Variants in PREX2 observed in about 807,000 individuals in gnomAD.
PREX2 encodes the protein phosphatidylinositol-3,4,5-trisphosphate dependent Rac exchange factor 2.
A neutral mutation model predicts 203.2 loss-of-function variants in PREX2; 107 were observed. That is an observed-to-expected ratio of 0.53 (90% CI 0.45 to 0.62). PREX2 has a LOEUF of 0.62. PREX2 is among the 20% of genes least tolerant of loss of function. The pLI, the probability that PREX2 is intolerant of heterozygous loss-of-function variation, is 0.00. For synonymous variants in PREX2, 672 were observed against 663.6 expected, an observed-to-expected ratio of 1.01 and a Z score of -0.19; for missense variants, 1,777 against 1,955.9, an observed-to-expected ratio of 0.91 and a Z score of 1.72.
intron 21 of PREX2, among the ~76,000 whole-genome samples, chr8:68,093,941 T>G (rs965821409): frequency 2.0e-5 from 3 of 152,218 alleles, no homozygotes; most frequent in African/African-American, 4.8e-5. Flanking sequence ...CTATCTCACT[T>G]AGTCATCAAA....
chr8:68,187,529 T>G (rs1024382328), intron 35 of PREX2, among the ~76,000 whole-genome samples: 2 of 152,166 alleles, frequency 1.3e-5, no homozygotes, highest in African/African-American at 4.8e-5. Context: ...TAATTTAATC[T>G]TCAACATCAT....
rs1443724777 is a variant in PREX2, at chr8:68,038,164, C to G, written c.711C>G (p.Ser237=). 8 of 1,613,268 alleles carry G rather than the reference C, an allele frequency of 5.0e-6. No homozygotes were observed. Among genetic ancestry groups the G allele is most frequent in the Non-Finnish European group, 6.8e-6 (8 of 1,179,430 alleles). ...WQSHIEGWEG[S]NITDTCTEML... ...TTGCATTTCTCCTGACTTAGGGGTC[C>G]AACATCACTGACACCTGCACTGAAA... The change falls in exon 7 of 40, where the codon TCC becomes TCG. Residue 237 remains serine (S), a synonymous_variant. Coordinates refer to ENST00000288368, the MANE Select transcript of PREX2 (RefSeq NM_024870.4).
At chr8:68,101,465 A>G (rs552661979) in intron 23 of PREX2, 2 of 518,862 alleles carry the variant, frequency 3.9e-6, no homozygotes, top group East Asian at 5.5e-5. Context: ...TCTGCTTTTC[A>G]TGACTGCTGA....
intron 35 of PREX2, among the ~76,000 whole-genome samples, chr8:68,178,699 T>C (rs1812029373): frequency 6.6e-6 from 1 of 152,148 alleles, no homozygotes. Flanking sequence ...ATATATCTAA[T>C]CCAGGTTGGA....
At chr8:68,203,349 G>A (rs1337718019) in intron 37 of PREX2, among the ~76,000 whole-genome samples, 1 of 152,094 alleles carries the variant, frequency 6.6e-6, no homozygotes, top group East Asian at 1.9e-4. Flanking sequence ...ATCTTTGAGG[G>A]GATTGTGGAG....
chr8:67,984,953 C>G (rs1806374001), intron 1 of PREX2, among the ~76,000 whole-genome samples: 1 of 151,588 alleles, frequency 6.6e-6, no homozygotes. Flanking sequence ...GCACCCAGCC[C>G]AGTCGCACGG....
chr8:68,078,685 T>C (rs949544915), intron 15 of PREX2, among the ~76,000 whole-genome samples: 1 of 152,190 alleles, frequency 6.6e-6, no homozygotes, highest in Non-Finnish European at 1.5e-5. Context: ...TGGAGAAATA[T>C]TGGTCCTTGA....
At chr8:68,105,355 C>T (rs753469748) in intron 23 of PREX2, 34 of 1,365,854 alleles carry the variant, frequency 2.5e-5, no homozygotes, top group African/African-American at 4.4e-5. Flanking sequence ...GAGAGGGCCC[C>T]TGTCTGATTC....
chr8:68,123,895 C>T (rs976335480), intron 30 of PREX2, among the ~76,000 whole-genome samples: 49 of 151,956 alleles, frequency 3.2e-4, no homozygotes, highest in Non-Finnish European at 5.9e-4. Flanking sequence ...GGAGGAGGGA[C>T]TCCTCCCTAA....
intron 37 of PREX2, among the ~76,000 whole-genome samples, chr8:68,194,973 GT>G (rs1377498560): frequency 1.3e-5 from 2 of 152,122 alleles, no homozygotes; most frequent in Middle Eastern, 3.2e-3. Context: ...TTGAGTATTT[GT>G]GCTCTTCTCT....
At chr8:68,113,985 C>G (rs1476386166) in intron 25 of PREX2, among the ~76,000 whole-genome samples, 1 of 152,102 alleles carries the variant, frequency 6.6e-6, no homozygotes, top group Admixed American at 6.5e-5. Context: ...CCTCAGTCTC[C>G]TGAGTAGCTG....
chr8:68,026,816 C>T (rs1585716894), intron 4 of PREX2, among the ~76,000 whole-genome samples: 1 of 152,104 alleles, frequency 6.6e-6, no homozygotes, highest in East Asian at 1.9e-4. Flanking sequence ...AGTTAGAACC[C>T]AACTGTCTTG....
At chr8:67,976,242 G>A (rs771233596) in intron 1 of PREX2, among the ~76,000 whole-genome samples, 3 of 152,076 alleles carry the variant, frequency 2.0e-5, no homozygotes, top group East Asian at 3.9e-4. Context: ...TTTATCCCTG[G>A]ATCTCTTGGA....
At chr8:68,171,832 G>A (rs189882423) in intron 35 of PREX2, among the ~76,000 whole-genome samples, 6 of 152,280 alleles carry the variant, frequency 3.9e-5, no homozygotes, top group South Asian at 4.2e-4. Context: ...GAAAGAGAGA[G>A]GGAGAAAGAG....
chr8:68,003,143 T>G (rs1806992008), intron 1 of PREX2, among the ~76,000 whole-genome samples: 1 of 152,218 alleles, frequency 6.6e-6, no homozygotes, highest in African/African-American at 2.4e-5. Context: ...AACTAAATCC[T>G]AAACTTTTAT....
chr8:68,075,071 G>T (rs564582454), intron 14 of PREX2, among the ~76,000 whole-genome samples: 1 of 152,176 alleles, frequency 6.6e-6, no homozygotes, highest in South Asian at 2.1e-4. Context: ...TTGTGATTTG[G>T]GTATGGATCA....
intron 37 of PREX2, among the ~76,000 whole-genome samples, chr8:68,195,989 A>G (rs1812387156): frequency 1.3e-5 from 2 of 152,226 alleles, no homozygotes; most frequent in Admixed American, 1.3e-4. Context: ...TGGCAGAGCT[A>G]CATACAACAG....
chr8:68,211,099 C>G (rs1337754869), intron 37 of PREX2, among the ~76,000 whole-genome samples: 1 of 152,160 alleles, frequency 6.6e-6, no homozygotes, highest in Non-Finnish European at 1.5e-5. Flanking sequence ...ACATGCTTTT[C>G]CTGACCTTCC....
intron 1 of PREX2, among the ~76,000 whole-genome samples, chr8:67,986,473 ACTACAGGTGGCTTGT>A (rs148438855): frequency 0.22 from 33,717 of 152,150 alleles, 4,791 homozygotes; most frequent in East Asian, 0.54. Context: ...AGGTGGCTTG[ACTACAGGTGGCTTGT>A]CTACGTGCAA....
Sources: allele counts gnomAD v4.1 joint callset (sites outside exome capture counted in the v4.1 genomes callset), GRCh38; gene constraint gnomAD v4.1.1; transcripts MANE v1.5; gene names NCBI Gene and HGNC (gene_info 2026-07-23, HGNC 2026-07-21).